ZNF800: variants seen among roughly 807,000 people sequenced by gnomAD.
The protein encoded by ZNF800 is zinc finger protein 800.
ZNF800 carries 13 observed loss-of-function variants against 59.5 expected under a neutral mutation model. That is an observed-to-expected ratio of 0.22 (90% CI 0.14 to 0.35). The LOEUF is 0.35. Among genes scored for constraint, ZNF800 ranks in the 10% least tolerant of loss-of-function variants. The pLI, the probability that ZNF800 is intolerant of heterozygous loss-of-function variation, is 1.00. For synonymous variants in ZNF800, 266 were observed against 265.7 expected, an observed-to-expected ratio of 1.00 and a Z score of -0.01; for missense variants, 621 against 783.7, an observed-to-expected ratio of 0.79 and a Z score of 2.48.
At chr7:127,363,490 T>G (rs1312849271) in intron 1 of ZNF800, 1 of 151,788 alleles carries the variant, frequency 6.6e-6, no homozygotes, top group African/African-American at 2.4e-5. Flanking sequence ...CCAGGTACTA[T>G]GCTAGATATG....
intron 3 of ZNF800, among the ~76,000 whole-genome samples, chr7:127,378,905 T>C (rs1800870527): frequency 6.6e-6 from 1 of 152,146 alleles, no homozygotes; most frequent in Non-Finnish European, 1.5e-5. Context: ...TTTACTCATG[T>C]TGTAAAATAG....
At chr7:127,345,131 C>T (rs1176965472), downstream of ZNF800, among the ~76,000 whole-genome samples, 2 of 152,102 alleles carry the variant, frequency 1.3e-5, no homozygotes, top group African/African-American at 4.8e-5. Flanking sequence ...AAAGTGAACC[C>T]TCAACAGAAA....
At chr7:127,372,759 G>A in intron 5 of ZNF800, 1 of 985,152 alleles carries the variant, frequency 1.0e-6, no homozygotes. Context: ...CCCTTTGCCT[G>A]GAAGCACTAT....
chr7:127,349,882 TCATA>T (rs1455956997), intron 1 of ZNF800: 2 of 152,212 alleles, frequency 1.3e-5, no homozygotes, highest in African/African-American at 4.8e-5. Flanking sequence ...CTTTCACTAT[TCATA>T]CAGTGATTTC....
intron 3 of ZNF800, among the ~76,000 whole-genome samples, chr7:127,383,038 G>A (rs191110321): frequency 1.3e-5 from 2 of 152,168 alleles, no homozygotes; most frequent in African/African-American, 2.4e-5. Flanking sequence ...AAGTCAATAA[G>A]AATTTGTAAT....
chr7:127,382,324 A>G (rs1328759609), intron 3 of ZNF800, among the ~76,000 whole-genome samples: 1 of 152,224 alleles, frequency 6.6e-6, no homozygotes, highest in African/African-American at 2.4e-5. Context: ...AAGAATATTG[A>G]ACTCAACTAA....
chr7:127,378,097 A>G (rs1800838560), intron 3 of ZNF800, among the ~76,000 whole-genome samples: 1 of 152,090 alleles, frequency 6.6e-6, no homozygotes, highest in Non-Finnish European at 1.5e-5. Flanking sequence ...CTACTAGATT[A>G]TACACTCCAA....
chr7:127,384,536 A>G lies in ZNF800; in HGVS notation c.157+1524T>C, dbSNP rs942449259. Among the ~76,000 whole-genome samples, 8 of 152,084 alleles carry G rather than the reference A, an allele frequency of 5.3e-5. No homozygotes were observed. The East Asian group carries it at 1.5e-3, about 29-fold the overall frequency. On this transcript the variant is annotated intron_variant, in intron 3 of 5. Coordinates refer to ENST00000265827, the MANE Select transcript of ZNF800 (RefSeq NM_176814.5). ...GACGTGAGCCACCGCGCCCAGCCTA[A>G]TTCTAACTTCTCAATAAAAAAATGC...
At chr7:127,386,995 C>T (rs931493242) in intron 2 of ZNF800, among the ~76,000 whole-genome samples, 8 of 151,972 alleles carry the variant, frequency 5.3e-5, no homozygotes, top group African/African-American at 1.9e-4. Flanking sequence ...TTCTGCCTCA[C>T]ACTTTAATGC....
At chr7:127,391,948 G>A (rs1273843214) in intron 1 of ZNF800, 112 bp downstream of exon 1, 2 of 375,172 alleles carry the variant, frequency 5.3e-6, no homozygotes, top group African/African-American at 4.2e-5. Context: ...CGGGACTACG[G>A]AGGTGCCGCT....
intron 3 of ZNF800, among the ~76,000 whole-genome samples, chr7:127,380,927 TA>T (rs1562908063): frequency 6.6e-6 from 1 of 152,222 alleles, no homozygotes; most frequent in Non-Finnish European, 1.5e-5. Flanking sequence ...TCACCCCTAA[TA>T]GGTGCTCAAT....
chr7:127,344,889 T>TA (rs1361522374), downstream of ZNF800, among the ~76,000 whole-genome samples: 1 of 151,996 alleles, frequency 6.6e-6, no homozygotes, highest in Non-Finnish European at 1.5e-5. Context: ...AAATAAAAAA[T>TA]AGACAGATAT....
At chr7:127,359,758 G>A (rs1800359819) in intron 1 of ZNF800, 1 of 151,882 alleles carries the variant, frequency 6.6e-6, no homozygotes, top group Non-Finnish European at 1.5e-5. Context: ...TTTATCTGAT[G>A]GTCATTGGAA....
At chr7:127,384,735 GAC>G (rs1031159643) in intron 3 of ZNF800, among the ~76,000 whole-genome samples, 1 of 151,958 alleles carries the variant, frequency 6.6e-6, no homozygotes, top group Non-Finnish European at 1.5e-5. Flanking sequence ...AAAACAAACA[GAC>G]ACTATTTTTT....
intron 3 of ZNF800, among the ~76,000 whole-genome samples, chr7:127,384,232 T>TTTTTA (rs1385613133): frequency 4.9e-5 from 4 of 81,718 alleles, no homozygotes; most frequent in Non-Finnish European, 1.2e-4. Flanking sequence ...AACTTCTTTT[T>TTTTTA]TTTTTTTTTT....
At chr7:127,385,156 G>C (rs1801099243) in intron 3 of ZNF800, among the ~76,000 whole-genome samples, 1 of 152,138 alleles carries the variant, frequency 6.6e-6, no homozygotes, top group Non-Finnish European at 1.5e-5. Flanking sequence ...TACAAAACAA[G>C]TAGTTACATA....
At position 127,374,622 on chromosome 7, in the gene ZNF800, T is replaced by C; in HGVS notation, c.714A>G (p.Glu238=). 6.2e-7 allele frequency: 1 copy of C among 1,614,152 alleles called. No individual in the cohort carries two copies. The highest frequency in any genetic ancestry group is 8.5e-7 in the Non-Finnish European group (1 of 1,179,982). Residue 238 remains glutamate, a synonymous_variant, in exon 5 of 6, where the codon GAA becomes GAG. Coordinates refer to ENST00000265827, the MANE Select transcript of ZNF800 (RefSeq NM_176814.5). ...GGCGAACACCTCGTCTAGAATTGAATTCTTTTCTACAAAGACAACATATCA... is the reference window on the plus strand; with the variant it reads ...GGCGAACACCTCGTCTAGAATTGAACTCTTTTCTACAAAGACAACATATCA... The part of the protein sequence containing the change: ...HQLICCLCRK[E]FNSRRGVRRH...
rs11539276 is a variant in ZNF800, at chr7:127,392,399, G to A, written c.-398C>T. 0.14 allele frequency: 53,338 copies of A among 379,756 alleles called. 4,006 individuals are homozygous for A. The highest frequency in any genetic ancestry group is 0.22 in the Admixed American group (4,899 of 22,050). 23.5% of individuals were successfully genotyped at this position (379,756 alleles called of 1,614,324 possible). A position where few individuals can be genotyped will look rare whatever the true frequency, so the allele number is the denominator to read the frequency against. ...GCAGCTGCCGCCGCCACCACCGAAGGAGCCGGAACCGGAGCGGGCAGGACC... is the reference window on the plus strand; with the variant it reads ...GCAGCTGCCGCCGCCACCACCGAAGAAGCCGGAACCGGAGCGGGCAGGACC... On this transcript the variant is annotated 5_prime_UTR_variant, in exon 1 of 6. Coordinates refer to ENST00000265827, the MANE Select transcript of ZNF800 (RefSeq NM_176814.5).
At chr7:127,388,149 G>T (rs1252878134) in intron 2 of ZNF800, among the ~76,000 whole-genome samples, 1 of 152,076 alleles carries the variant, frequency 6.6e-6, no homozygotes, top group East Asian at 1.9e-4. Flanking sequence ...TTGTATAGGG[G>T]TTAAATAAGC....
Sources: allele counts gnomAD v4.1 joint callset (sites outside exome capture counted in the v4.1 genomes callset), GRCh38; gene constraint gnomAD v4.1.1; transcripts MANE v1.5; gene names NCBI Gene and HGNC (gene_info 2026-07-23, HGNC 2026-07-21).